The following SPOCK1 variants were observed in gnomAD, a reference collection of about 807,000 sequenced individuals.
The protein encoded by SPOCK1 is testican-1.
SPOCK1 carries 23 observed loss-of-function variants against 55.3 expected under a neutral mutation model. The ratio of observed to expected loss-of-function variants is 0.42; its 90% CI spans 0.30 to 0.59. The LOEUF (loss-of-function observed/expected upper bound fraction) is 0.59. SPOCK1 is among the 20% of genes least tolerant of loss of function. The pLI, the probability that SPOCK1 is intolerant of heterozygous loss-of-function variation, is 0.22. For missense variants in SPOCK1, 499 were observed against 552.5 expected, an observed-to-expected ratio of 0.90 and a Z score of 0.97; for synonymous variants, 226 against 221.0, an observed-to-expected ratio of 1.02 and a Z score of -0.20.
intron 6 of SPOCK1, among the ~76,000 whole-genome samples, chr5:136,994,103 C>T (rs1421053595): frequency 6.6e-6 from 1 of 152,164 alleles, no homozygotes; most frequent in Non-Finnish European, 1.5e-5. Flanking sequence ...CTGACTGGGT[C>T]TCTGCAACCT....
intron 2 of SPOCK1, among the ~76,000 whole-genome samples, chr5:137,407,107 A>G (rs1752115653): frequency 6.6e-6 from 1 of 152,218 alleles, no homozygotes; most frequent in South Asian, 2.1e-4. Flanking sequence ...AGAAAGAATT[A>G]AGAGCTTAAT....
intron 4 of SPOCK1, among the ~76,000 whole-genome samples, chr5:137,130,011 G>T (rs976748642): frequency 6.6e-5 from 10 of 152,130 alleles, no homozygotes; most frequent in African/African-American, 9.7e-5. Context: ...TTCTTTCAAA[G>T]TTTAACTATA....
At chr5:137,400,446 A>G (rs1228159669) in intron 2 of SPOCK1, among the ~76,000 whole-genome samples, 1 of 152,220 alleles carries the variant, frequency 6.6e-6, no homozygotes, top group Non-Finnish European at 1.5e-5. Context: ...CCAGGAGACT[A>G]CGTAGAGTCT....
chr5:137,161,934 T>A (rs556876860), intron 3 of SPOCK1, among the ~76,000 whole-genome samples: 1 of 152,152 alleles, frequency 6.6e-6, no homozygotes, highest in Admixed American at 6.6e-5. Context: ...CCTATTCTCA[T>A]CTTTGGTGAT....
At chr5:137,348,453 T>C (rs1750607852) in intron 2 of SPOCK1, among the ~76,000 whole-genome samples, 1 of 147,960 alleles carries the variant, frequency 6.8e-6, no homozygotes, top group African/African-American at 2.5e-5. Flanking sequence ...AAATTGCTAC[T>C]TGCTGCAATC....
chr5:137,446,604 G>A (rs907493724), intron 2 of SPOCK1, among the ~76,000 whole-genome samples: 6 of 152,038 alleles, frequency 3.9e-5, no homozygotes, highest in South Asian at 2.1e-4. Flanking sequence ...AAGACAAGAC[G>A]GGCACAAGTC....
chr5:137,086,867 T>C (rs1403615596), intron 5 of SPOCK1, among the ~76,000 whole-genome samples: 1 of 152,174 alleles, frequency 6.6e-6, no homozygotes, highest in Non-Finnish European at 1.5e-5. Context: ...CTAAGTTTTT[T>C]ACTGTGCAGC....
chr5:137,444,066 G>A lies in SPOCK1; in HGVS notation c.186+54307C>T, dbSNP rs182819563. 8.6e-4 allele frequency among the ~76,000 whole-genome samples: 131 copies of A among 152,256 alleles called. 1 individual carries two copies. The highest frequency in any genetic ancestry group is 2.9e-3 in the African/African-American group (120 of 41,540). The stretch of plus-strand genomic sequence containing the variant: ...TACAGTCATCCTACCCATGAAGAGC[G>A]AGCCTCAGCCAGGCTCCCAAGGCAC... On this transcript the variant is annotated intron_variant, in intron 2 of 10. Transcript: ENST00000394945.
intron 2 of SPOCK1, among the ~76,000 whole-genome samples, chr5:137,401,962 C>G (rs1310302939): frequency 6.6e-6 from 1 of 152,066 alleles, no homozygotes; most frequent in Non-Finnish European, 1.5e-5. Flanking sequence ...TCTATTTTGT[C>G]TAAGATATCA....
intron 3 of SPOCK1, among the ~76,000 whole-genome samples, chr5:137,181,828 G>A (rs1469881148): frequency 6.6e-6 from 1 of 152,194 alleles, no homozygotes; most frequent in Non-Finnish European, 1.5e-5. Context: ...TGCCTGCCTG[G>A]GAAATCTGAT....
intron 6 of SPOCK1, among the ~76,000 whole-genome samples, chr5:137,034,878 G>A (rs1413230300): frequency 2.0e-5 from 3 of 152,218 alleles, no homozygotes; most frequent in South Asian, 2.1e-4. Flanking sequence ...CTGACAAAGC[G>A]TGTCTAGGAG....
intron 3 of SPOCK1, among the ~76,000 whole-genome samples, chr5:137,183,908 C>T (rs192962341): frequency 7.9e-5 from 12 of 152,338 alleles, no homozygotes; most frequent in Admixed American, 6.5e-4. Flanking sequence ...CCCCTCTATG[C>T]TTTAGCTCCC....
intron 6 of SPOCK1, among the ~76,000 whole-genome samples, chr5:137,063,405 G>GAAAAA (rs546494577): frequency 8.1e-6 from 1 of 123,718 alleles, no homozygotes; most frequent in African/African-American, 2.9e-5. Context: ...TTTGACTTCT[G>GAAAAA]AAAAAAAAAA....
At chr5:137,275,853 C>A (rs1009105809) in intron 2 of SPOCK1, among the ~76,000 whole-genome samples, 4 of 152,192 alleles carry the variant, frequency 2.6e-5, no homozygotes, top group Non-Finnish European at 4.4e-5. Flanking sequence ...CAGGCAACAA[C>A]GAAGTCATCT....
At chr5:137,067,610 A>G in intron 6 of SPOCK1, 105 bp downstream of exon 6, 1 of 950,010 alleles carries the variant, frequency 1.1e-6, no homozygotes. Flanking sequence ...ATGTCTGCTC[A>G]TTTCTCCAGT....
intron 3 of SPOCK1, among the ~76,000 whole-genome samples, chr5:137,156,692 A>T (rs573949131): frequency 6.6e-6 from 1 of 152,196 alleles, no homozygotes; most frequent in Non-Finnish European, 1.5e-5. Context: ...TATGACCTCA[A>T]GGAATCCGTA....
intron 6 of SPOCK1, among the ~76,000 whole-genome samples, chr5:137,060,489 C>T (rs61557715): frequency 0.13 from 19,216 of 151,996 alleles, 1,471 homozygotes; most frequent in East Asian, 0.24. Flanking sequence ...AAAAAATTAC[C>T]GATTGGGTAT....
intron 3 of SPOCK1, among the ~76,000 whole-genome samples, chr5:137,151,132 T>C (rs1458312157): frequency 1.3e-5 from 2 of 152,016 alleles, no homozygotes; most frequent in African/African-American, 4.8e-5. Flanking sequence ...GTAGGTAATC[T>C]AAAATTTATA....
intron 5 of SPOCK1, among the ~76,000 whole-genome samples, chr5:137,075,522 T>C (rs1752740318): frequency 6.6e-6 from 1 of 152,268 alleles, no homozygotes; most frequent in Non-Finnish European, 1.5e-5. Context: ...TTGATTGATA[T>C]CAGCAATTAG....
Sources: gnomAD v4.1 joint callset for allele counts (sites outside exome capture counted in the v4.1 genomes callset) on GRCh38, gnomAD v4.1.1 for gene constraint, MANE v1.5 for transcripts, NCBI Gene and HGNC (gene_info 2026-07-23, HGNC 2026-07-21) for gene names.